The following RASSF8 variants were observed in gnomAD, a reference collection of about 807,000 sequenced individuals.
The protein encoded by RASSF8 is Ras association domain family member 8.
Under a neutral mutation model 48.5 loss-of-function variants are expected in RASSF8, and 22 were observed. The ratio of observed to expected loss-of-function variants is 0.45; its 90% CI spans 0.32 to 0.65. The LOEUF is 0.65. Among genes scored for constraint, RASSF8 ranks in the 30% least tolerant of loss-of-function variants. RASSF8 has a pLI of 0.03. For missense variants in RASSF8, 418 were observed against 489.2 expected, an observed-to-expected ratio of 0.85 and a Z score of 1.37; for synonymous variants, 127 against 171.5, an observed-to-expected ratio of 0.74 and a Z score of 2.03.
At chr12:26,073,754 CACACACACACACACACACACACA>C (rs1944041373), downstream of RASSF8, among the ~76,000 whole-genome samples, 3 of 112,660 alleles carry the variant, frequency 2.7e-5, no homozygotes, top group Admixed American at 9.8e-5. Flanking sequence ...TCTATACACA[CACACACACACACACACACACACA>C]TATATATATA....
chr12:25,976,612 C>G (rs1941611786), intron 1 of RASSF8, among the ~76,000 whole-genome samples: 1 of 152,196 alleles, frequency 6.6e-6, no homozygotes, highest in South Asian at 2.1e-4. Context: ...CAAGAAGATT[C>G]AGTATCTGGG....
chr12:26,051,371 T>C (rs1943486594), intron 2 of RASSF8, among the ~76,000 whole-genome samples: 1 of 152,238 alleles, frequency 6.6e-6, no homozygotes, highest in Non-Finnish European at 1.5e-5. Context: ...AGAAAGAGCA[T>C]GAGCTTATTC....
rs539105554 is a variant in RASSF8, at chr12:26,011,977, A to G, written c.-109+16847A>G. Among the ~76,000 whole-genome samples the G allele has an allele frequency of 8.5e-5, 13 of 152,360 alleles. No individual in the cohort carries two copies. In the East Asian group the frequency reaches 2.3e-3, roughly 27 times the overall value. On this transcript the variant is annotated intron_variant, in intron 2 of 5. Coordinates refer to ENST00000689635, the MANE Select transcript of RASSF8 (RefSeq NM_001394098.1). Reference sequence around the variant, plus strand: ...TGCGTATCATATCTGTGATATATGTATAACATATAATAACATATCCATGGC... The same window carrying G: ...TGCGTATCATATCTGTGATATATGTGTAACATATAATAACATATCCATGGC...
In RASSF8 at chr12:26,069,600, G is replaced by A. The variant is rs1943957636; in HGVS notation, c.*782G>A. ...TAAGTATGTATCCAAACAGGCATGGGGTTTCCTGATACATTATGTGTTTTG... is the reference window on the plus strand; with the variant it reads ...TAAGTATGTATCCAAACAGGCATGGAGTTTCCTGATACATTATGTGTTTTG... On this transcript the variant is annotated 3_prime_UTR_variant, in exon 6 of 6. Transcript: ENST00000689635. The A allele has an allele frequency of 1.0e-6, 1 of 985,234 alleles. No homozygotes were observed. Among genetic ancestry groups the A allele is most frequent in the Admixed American group, 6.2e-5 (1 of 16,258 alleles). The allele number at this position is 985,234 out of a possible 1,614,324, so 61.0% of individuals were successfully genotyped here. A position where few individuals can be genotyped will look rare whatever the true frequency, so the allele number is the denominator to read the frequency against.
chr12:26,051,366 G>C (rs1943486465), intron 2 of RASSF8, among the ~76,000 whole-genome samples: 1 of 152,220 alleles, frequency 6.6e-6, no homozygotes, highest in African/African-American at 2.4e-5. Flanking sequence ...GTAGAAGAAA[G>C]AGCATGAGCT....
At chr12:26,066,444 T>C (rs1943877024) in intron 4 of RASSF8, among the ~76,000 whole-genome samples, 2 of 152,216 alleles carry the variant, frequency 1.3e-5, no homozygotes, top group South Asian at 2.1e-4. Context: ...TGTGATCTCC[T>C]TTCTCCGTCA....
intron 2 of RASSF8, 83 bp downstream of exon 2, chr12:25,995,213 A>G (rs1942105433): frequency 6.6e-6 from 1 of 152,108 alleles, no homozygotes; most frequent in Non-Finnish European, 1.5e-5. Context: ...AAAACCTTTC[A>G]AAGTTTTGGG....
At chr12:26,060,055 G>A (rs1324285715) in intron 3 of RASSF8, among the ~76,000 whole-genome samples, 5 of 152,014 alleles carry the variant, frequency 3.3e-5, no homozygotes, top group African/African-American at 9.7e-5. Context: ...CCACCACCAC[G>A]CCCAGCTAAT....
At chr12:26,067,186 A>ATTTT (rs1943894176) in intron 4 of RASSF8, among the ~76,000 whole-genome samples, 1 of 152,228 alleles carries the variant, frequency 6.6e-6, no homozygotes, top group African/African-American at 2.4e-5. Flanking sequence ...GATGGGTAAA[A>ATTTT]ACCTGTGGGG....
chr12:25,968,382 G>A (rs10771249), intron 1 of RASSF8, among the ~76,000 whole-genome samples: 55,849 of 151,692 alleles, frequency 0.37, 11,405 homozygotes, highest in Non-Finnish European at 0.46. Flanking sequence ...TCGCTCTGTC[G>A]CCCAGGCTGG....
At chr12:25,966,086 C>T (rs1163649945) in intron 1 of RASSF8, among the ~76,000 whole-genome samples, 1 of 152,072 alleles carries the variant, frequency 6.6e-6, no homozygotes, top group African/African-American at 2.4e-5. Context: ...TAGGTGTATG[C>T]TTAGCTTTTT....
chr12:26,067,540 A>G (rs1266579090), intron 4 of RASSF8, 29 bp from the exon 5 acceptor site: 2 of 1,572,218 alleles, frequency 1.3e-6, no homozygotes, highest in Non-Finnish European at 1.7e-6. Context: ...TGAATCCTCA[A>G]ATTTAAAAAA....
intron 1 of RASSF8, among the ~76,000 whole-genome samples, chr12:25,980,605 C>T (rs948087479): frequency 6.6e-6 from 1 of 152,046 alleles, no homozygotes; most frequent in Non-Finnish European, 1.5e-5. Context: ...TGGATTTGTG[C>T]TTTACAGTTG....
intron 2 of RASSF8, among the ~76,000 whole-genome samples, chr12:25,996,952 A>T (rs1202611891): frequency 6.6e-6 from 1 of 152,166 alleles, no homozygotes; most frequent in South Asian, 2.1e-4. Flanking sequence ...CTGTAAAACT[A>T]TCTTAAGTTT....
intron 2 of RASSF8, among the ~76,000 whole-genome samples, chr12:26,027,148 G>C (rs1312251758): frequency 6.6e-6 from 1 of 152,194 alleles, no homozygotes; most frequent in Non-Finnish European, 1.5e-5. Flanking sequence ...CAAATCCATA[G>C]AGACTGAAAG....
Position 25,969,609 on chromosome 12 carries a change from TGAG to T in RASSF8, c.-203+10465_-203+10467del, listed in dbSNP as rs759231337. 8.5e-4 allele frequency among the ~76,000 whole-genome samples: 129 copies of T among 152,116 alleles called. 1 individual carries two copies. The highest frequency in any genetic ancestry group is 1.7e-3 in the Non-Finnish European group (115 of 67,978). ...GGTGCTGATGGTGGAGGTGGGGAAG[TGAG>T]GAGAAGGGTCACATCCTGGGTATAT... On this transcript the variant is annotated intron_variant, in intron 1 of 5. Transcript: ENST00000689635.
intron 2 of RASSF8, among the ~76,000 whole-genome samples, chr12:26,019,597 G>GTGTC (rs1565621635): frequency 1.6e-5 from 2 of 124,300 alleles, no homozygotes; most frequent in African/African-American, 6.3e-5. Flanking sequence ...GTGTGTGTGT[G>GTGTC]TGTGTGTCTG....
At chr12:26,021,309 T>G (rs1942782121) in intron 2 of RASSF8, 1 of 152,240 alleles carries the variant, frequency 6.6e-6, no homozygotes, top group South Asian at 2.1e-4. Context: ...TATGACCCAC[T>G]CTGCTATGGT....
At chr12:26,020,154 A>G (rs1942752873) in intron 2 of RASSF8, 1 of 152,200 alleles carries the variant, frequency 6.6e-6, no homozygotes, top group South Asian at 2.1e-4. Flanking sequence ...GGAGAGTGGT[A>G]GAGGCACAGA....
Sources: gnomAD v4.1 joint callset for allele counts (sites outside exome capture counted in the v4.1 genomes callset) on GRCh38, gnomAD v4.1.1 for gene constraint, MANE v1.5 for transcripts, NCBI Gene and HGNC (gene_info 2026-07-23, HGNC 2026-07-21) for gene names.